The following DMD variants were observed in gnomAD, a reference collection of about 807,000 sequenced individuals.
DMD encodes mutant dystrophin.
A neutral mutation model predicts 330.1 loss-of-function variants in DMD; 63 were observed. The ratio of observed to expected loss-of-function variants is 0.19; its 90% CI spans 0.16 to 0.24. DMD has a LOEUF of 0.24. Ranked by LOEUF, DMD falls within the 10% of genes least tolerant of loss-of-function variation. The pLI, the probability that DMD is intolerant of heterozygous loss-of-function variation, is 1.00. For synonymous variants in DMD, 1,223 were observed against 959.8 expected, an observed-to-expected ratio of 1.27 and a Z score of -5.07; for missense variants, 3,344 against 2,684.1, an observed-to-expected ratio of 1.25 and a Z score of -5.43.
At chrX:32,056,253 T>G (rs2096172249) in intron 44 of DMD, among the ~76,000 whole-genome samples, 1 of 109,390 alleles carries the variant, frequency 9.1e-6, no homozygotes, top group Non-Finnish European at 1.9e-5. Context: ...AGCCCAAAGT[T>G]AGCAGAGGGA....
intron 11 of DMD, among the ~76,000 whole-genome samples, chrX:32,622,360 T>C (rs1450454969): frequency 8.9e-6 from 1 of 112,104 alleles, no homozygotes; most frequent in Non-Finnish European, 1.9e-5. Flanking sequence ...GATTCTGAGA[T>C]GTTTTAATTG....
chrX:32,321,609 G>A (rs925199075), intron 41 of DMD, among the ~76,000 whole-genome samples: 2 of 111,413 alleles, frequency 1.8e-5, no homozygotes, highest in Non-Finnish European at 3.8e-5. Context: ...TTTCCCATAT[G>A]TAAATTTTGT....
At chrX:31,155,384 A>G (rs2037988053) in intron 74 of DMD, among the ~76,000 whole-genome samples, 1 of 112,750 alleles carries the variant, frequency 8.9e-6, no homozygotes, top group Non-Finnish European at 1.9e-5. Flanking sequence ...TTTTCTTAAC[A>G]GTATCATACA....
At chrX:33,322,517 T>C (rs907034985) in intron 1 of DMD, among the ~76,000 whole-genome samples, 1 of 111,627 alleles carries the variant, frequency 9.0e-6, no homozygotes, top group Non-Finnish European at 1.9e-5. Flanking sequence ...TCATTGATCA[T>C]AGATCATAGA....
chrX:33,012,333 T>C (rs2093717704), intron 2 of DMD, among the ~76,000 whole-genome samples: 1 of 110,437 alleles, frequency 9.1e-6, no homozygotes, highest in South Asian at 3.8e-4. Context: ...GTGTAGATGT[T>C]AGGGAGTTCA....
chrX:32,154,769 T>G (rs1466765780), intron 44 of DMD, among the ~76,000 whole-genome samples: 1 of 111,125 alleles, frequency 9.0e-6, no homozygotes, highest in Non-Finnish European at 1.9e-5. Flanking sequence ...AAAAGTTAAT[T>G]GCCGTCTTAA....
At chrX:32,765,338 T>A (rs141801875) in intron 7 of DMD, among the ~76,000 whole-genome samples, 1 of 109,815 alleles carries the variant, frequency 9.1e-6, no homozygotes, top group Non-Finnish European at 1.9e-5. Context: ...TGAAATCTGG[T>A]CGTTTAAAAG....
chrX:32,687,367 T>A (rs12845594), intron 9 of DMD, among the ~76,000 whole-genome samples: 1 of 111,911 alleles, frequency 8.9e-6, no homozygotes, highest in African/African-American at 3.2e-5. Flanking sequence ...TCTTACATGT[T>A]ATTCTTCGGA....
intron 45 of DMD, among the ~76,000 whole-genome samples, chrX:31,935,308 A>G (rs189263319): frequency 9.8e-4 from 109 of 111,633 alleles, no homozygotes; most frequent in African/African-American, 2.9e-3. Context: ...TGGGACACGG[A>G]GTACAGAGGA....
At chrX:33,020,555 T>C (rs1489209658) in intron 1 of DMD, among the ~76,000 whole-genome samples, 1 of 111,324 alleles carries the variant, frequency 9.0e-6, no homozygotes, top group Non-Finnish European at 1.9e-5. Flanking sequence ...GCACCTGTAA[T>C]CCCAGCTACT....
intron 37 of DMD, among the ~76,000 whole-genome samples, chrX:32,357,340 G>T (rs968985943): frequency 9.0e-6 from 1 of 111,228 alleles, no homozygotes; most frequent in Admixed American, 9.6e-5. Context: ...TCTAAGCGTG[G>T]TCCCTAGACC....
At chrX:33,307,707 T>C (rs1021450336) in intron 1 of DMD, among the ~76,000 whole-genome samples, 1 of 110,607 alleles carries the variant, frequency 9.0e-6, no homozygotes, top group Admixed American at 9.7e-5. Context: ...TATAAATATA[T>C]AGAAATAAAG....
At chrX:32,659,672 A>G (rs754133570) in intron 9 of DMD, among the ~76,000 whole-genome samples, 9 of 110,992 alleles carry the variant, frequency 8.1e-5, no homozygotes, top group Non-Finnish European at 1.7e-4. Context: ...GACATGTAAC[A>G]ATATTCCATT....
At chrX:32,481,856 G>T (rs776648805) in intron 21 of DMD, among the ~76,000 whole-genome samples, 71 of 111,702 alleles carry the variant, frequency 6.4e-4, no homozygotes, top group Non-Finnish European at 1.2e-3. Flanking sequence ...ATTACCTAGT[G>T]CCCAGCACTT....
At chrX:32,167,736 G>A (rs2096873281) in intron 44 of DMD, among the ~76,000 whole-genome samples, 1 of 111,766 alleles carries the variant, frequency 8.9e-6, no homozygotes, top group African/African-American at 3.3e-5. Context: ...CAGGCACGAA[G>A]GCCTTTAATG....
chrX:32,768,236 A>C (rs1181118211), intron 7 of DMD, among the ~76,000 whole-genome samples: 1 of 112,383 alleles, frequency 8.9e-6, no homozygotes, highest in Non-Finnish European at 1.9e-5. Context: ...TTATTTAATA[A>C]CAAGACTGAA....
intron 42 of DMD, among the ~76,000 whole-genome samples, chrX:32,292,318 T>TTTTTTTTTTTTTTTTTTTTG (rs2097475451): frequency 1.0e-5 from 1 of 95,457 alleles, no homozygotes; most frequent in African/African-American, 4.0e-5. Context: ...TTTTTTTTTT[T>TTTTTTTTTTTTTTTTTTTTG]GAGATGGAGT....
intron 1 of DMD, among the ~76,000 whole-genome samples, chrX:33,094,173 A>G (rs1367617582): frequency 9.0e-6 from 1 of 111,207 alleles, no homozygotes; most frequent in Admixed American, 9.7e-5. Context: ...CTTTTTGTTT[A>G]CACACAATCA....
chrX:31,288,173 G>A (rs1387920799), intron 62 of DMD, among the ~76,000 whole-genome samples: 1 of 111,701 alleles, frequency 9.0e-6, no homozygotes, highest in East Asian at 2.8e-4. Flanking sequence ...GGAGAGGAGA[G>A]AGGGTTAAGA....
Sources: allele counts gnomAD v4.1 joint callset (sites outside exome capture counted in the v4.1 genomes callset), GRCh38; gene constraint gnomAD v4.1.1; transcripts MANE v1.5; gene names NCBI Gene and HGNC (gene_info 2026-07-23, HGNC 2026-07-21).